PSMA5: variants seen among roughly 807,000 people sequenced by gnomAD.
PSMA5 encodes the protein proteasome subunit alpha type-5.
A neutral mutation model predicts 34.5 loss-of-function variants in PSMA5; 3 were observed. The ratio of observed to expected loss-of-function variants is 0.09; its 90% CI spans 0.04 to 0.22. PSMA5 has a LOEUF of 0.22. Among genes scored for constraint, PSMA5 ranks in the 10% least tolerant of loss-of-function variants. The pLI, the probability that PSMA5 is intolerant of heterozygous loss-of-function variation, is 1.00. For missense variants in PSMA5, 120 were observed against 286.1 expected (o/e 0.42, Z 4.19); for synonymous variants, 88 against 95.8 (o/e 0.92, Z 0.47).
At chr1:109,416,948 T>C (rs1227437397) in intron 2 of PSMA5, among the ~76,000 whole-genome samples, 5 of 151,982 alleles carry the variant, frequency 3.3e-5, no homozygotes, top group Admixed American at 1.3e-4. Flanking sequence ...CTATAAAAAA[T>C]ACAATAATTA....
chr1:109,418,720 T>C (rs995592203), intron 2 of PSMA5, among the ~76,000 whole-genome samples: 1 of 152,078 alleles, frequency 6.6e-6, no homozygotes, highest in African/African-American at 2.4e-5. Flanking sequence ...ACTGAGATTA[T>C]AGGGATGAGC....
intron 2 of PSMA5, among the ~76,000 whole-genome samples, chr1:109,418,661 T>A (rs1308483993): frequency 1.3e-5 from 2 of 152,116 alleles, no homozygotes; most frequent in Admixed American, 1.3e-4. Context: ...CCCAGGCTAG[T>A]CTTGAACTCC....
chr1:109,415,903 C>T (rs1390047045), intron 2 of PSMA5, among the ~76,000 whole-genome samples: 4 of 152,036 alleles, frequency 2.6e-5, no homozygotes, highest in South Asian at 2.1e-4. Context: ...TAGGGAGGGA[C>T]GAAAAGAACC....
intron 2 of PSMA5, among the ~76,000 whole-genome samples, chr1:109,417,889 T>C (rs565828742): frequency 2.0e-5 from 3 of 152,208 alleles, no homozygotes; most frequent in Admixed American, 2.0e-4. Context: ...ATCACTACTA[T>C]GGGCAAGGCA....
chr1:109,406,378 T>C (rs1000116532), intron 8 of PSMA5, among the ~76,000 whole-genome samples: 2 of 152,156 alleles, frequency 1.3e-5, no homozygotes, highest in Non-Finnish European at 2.9e-5. Flanking sequence ...ACAGAATTGA[T>C]GCAACACAGG....
intron 8 of PSMA5, among the ~76,000 whole-genome samples, chr1:109,408,452 T>A (rs186151851): frequency 3.3e-5 from 5 of 152,306 alleles, no homozygotes; most frequent in Admixed American, 3.3e-4. Flanking sequence ...ATTATAGAAG[T>A]ATCACCCCAG....
intron 1 of PSMA5, among the ~76,000 whole-genome samples, chr1:109,422,344 A>G (rs1235578117): frequency 6.6e-6 from 1 of 151,658 alleles, no homozygotes; most frequent in East Asian, 1.9e-4. Flanking sequence ...TGGGGTTATC[A>G]CTCTTCTTTC....
chr1:109,420,374 TA>T lies in PSMA5; in HGVS notation c.96+1485del, dbSNP rs201870166. Among the ~76,000 whole-genome samples, 814 of 151,258 alleles carry T rather than the reference TA, an allele frequency of 5.4e-3. 11 individuals carry two copies. Among genetic ancestry groups the T allele is most frequent in the African/African-American group, 0.019 (782 of 41,264 alleles). On this transcript the variant is annotated intron_variant, in intron 2 of 8. Transcript: ENST00000271308. ...TGAAAAGTCCATGGATAATGCCTAA[TA>T]AAAAAAAACCATACATCTGTGTTAT...
intron 2 of PSMA5, among the ~76,000 whole-genome samples, chr1:109,416,905 G>A (rs1020827581): frequency 4.6e-5 from 7 of 152,262 alleles, no homozygotes; most frequent in African/African-American, 1.7e-4. Flanking sequence ...AGGAGTTCAA[G>A]ACCAGCCTGG....
At chr1:109,408,568 T>C (rs1254864743) in intron 8 of PSMA5, among the ~76,000 whole-genome samples, 1 of 152,262 alleles carries the variant, frequency 6.6e-6, no homozygotes, top group Non-Finnish European at 1.5e-5. Context: ...ACCTGCTATA[T>C]AATGGGTACT....
intron 6 of PSMA5, 147 bp from the exon 7 acceptor site, chr1:109,411,260 CTA>C: frequency 3.4e-6 from 2 of 593,680 alleles, no homozygotes; most frequent in African/African-American, 1.9e-5. Flanking sequence ...AAAAGATGTT[CTA>C]TGTCTGGAGA....
upstream of PSMA5, chr1:109,426,448 TGCGCGTGCGACC>T: frequency 7.6e-7 from 1 of 1,321,412 alleles, no homozygotes. Flanking sequence ...AAGGACCAAC[TGCGCGTGCGACC>T]GCGACCTCTT....
intron 1 of PSMA5, among the ~76,000 whole-genome samples, chr1:109,424,377 C>G (rs1654565818): frequency 6.6e-6 from 1 of 152,114 alleles, no homozygotes; most frequent in Non-Finnish European, 1.5e-5. Context: ...TGAGGTCTCA[C>G]TATGTTGCCC....
intron 8 of PSMA5, among the ~76,000 whole-genome samples, chr1:109,409,421 TGCTGGGATTACA>T (rs1473825777): frequency 6.6e-6 from 1 of 152,152 alleles, no homozygotes; most frequent in African/African-American, 2.4e-5. Flanking sequence ...CCTCCCAAAG[TGCTGGGATTACA>T]GGCGTGAGCC....
intron 2 of PSMA5, 149 bp downstream of exon 2, chr1:109,421,711 C>A: frequency 1.6e-6 from 1 of 637,828 alleles, no homozygotes; most frequent in South Asian, 2.0e-5. Flanking sequence ...AGGATTGAAA[C>A]TGTTATAAAA....
Position 109,412,182 on chromosome 1 carries a change from G to C in PSMA5, c.294C>G (p.Asn98Lys), listed in dbSNP as rs1353835896. ...LIDKARVETQ[N>K]HWFTYNETMT... The stretch of plus-strand genomic sequence containing the variant: ...TTGTCTCATTGTAGGTGAACCAGTG[G>C]TTCTAGAAGAAGAGCAAAGCATGGT... Residue 98 changes from asparagine (N) to lysine (K), a missense_variant and splice_region_variant, in exon 5 of 9, where the codon AAC becomes AAG. By Grantham distance (94) the Asn-to-Lys change is moderately conservative. Around this residue, in one of 3 missense-constraint regions of PSMA5, gnomAD observed 83 missense variants for 203.2 expected, o/e 0.41. Coordinates refer to ENST00000271308, the MANE Select transcript of PSMA5 (RefSeq NM_002790.4). 1 of 1,612,890 alleles carries C rather than the reference G, an allele frequency of 6.2e-7. No individual in the cohort carries two copies.
chr1:109,415,508 C>T, intron 2 of PSMA5, 145 bp from the exon 3 acceptor site: 2 of 669,628 alleles, frequency 3.0e-6, no homozygotes, highest in Non-Finnish European at 4.4e-6. Context: ...CCCTAACATA[C>T]TGTAAGTAAT....
At position 109,412,197 on chromosome 1, in the gene PSMA5, C is replaced by G. The variant is rs1236787557; in HGVS notation, c.292-13G>C. ...TGAACCAGTGGTTCTAGAAGAAGAG[C>G]AAAGCATGGTACAACCTTCTAATAA... On this transcript the variant is annotated splice_polypyrimidine_tract_variant and intron_variant, in intron 4 of 8. Transcript: ENST00000271308. The G allele has an allele frequency of 1.3e-6, 2 of 1,598,894 alleles. No homozygotes were observed. Among genetic ancestry groups the G allele is most frequent in the Non-Finnish European group, 1.7e-6 (2 of 1,166,278 alleles).
intron 3 of PSMA5, 91 bp downstream of exon 3, chr1:109,415,146 C>T (rs541537953): frequency 9.2e-6 from 13 of 1,410,646 alleles, no homozygotes; most frequent in East Asian, 2.4e-5. Flanking sequence ...AAGGGGATAA[C>T]GTGTTCATTT....
Sources: allele counts gnomAD v4.1 joint callset (sites outside exome capture counted in the v4.1 genomes callset), GRCh38; gene constraint gnomAD v4.1.1; regional missense constraint gnomAD v4.1.1; transcripts MANE v1.5; gene names NCBI Gene and HGNC (gene_info 2026-07-23, HGNC 2026-07-21).